Variants in DPP10 observed in about 807,000 individuals in gnomAD.
DPP10 encodes dipeptidyl peptidase like 10.
A neutral mutation model predicts 120.9 loss-of-function variants in DPP10; 33 were observed. The observed-to-expected ratio is 0.27, with a 90% CI of 0.21 to 0.37. The LOEUF is 0.37. Among genes scored for constraint, DPP10 ranks in the 10% least tolerant of loss-of-function variants. The pLI is 1.00. For missense variants in DPP10, 816 were observed against 942.8 expected, an observed-to-expected ratio of 0.87 and a Z score of 1.76; for synonymous variants, 337 against 326.1, an observed-to-expected ratio of 1.03 and a Z score of -0.36.
At chr2:114,802,432 T>C (rs899882078) in intron 1 of DPP10, among the ~76,000 whole-genome samples, 2 of 152,242 alleles carry the variant, frequency 1.3e-5, no homozygotes, top group Non-Finnish European at 2.9e-5. Context: ...AATTAGCCTC[T>C]TGTATTAAAA....
chr2:114,594,542 TTATA>T (rs1201662328), intron 1 of DPP10, among the ~76,000 whole-genome samples: 1 of 141,872 alleles, frequency 7.0e-6, no homozygotes, highest in African/African-American at 2.5e-5. Context: ...GAAGTATATA[TTATA>T]TATACATATA....
intron 1 of DPP10, among the ~76,000 whole-genome samples, chr2:115,191,932 G>C (rs187633466): frequency 1.8e-4 from 27 of 152,318 alleles, no homozygotes; most frequent in Admixed American, 3.9e-4. Context: ...AATGTCGGGA[G>C]ATCAGTAGTA....
In DPP10 at chr2:114,874,583, A is replaced by T. The variant is rs541452118; in HGVS notation, c.60+431745A>T. Among the ~76,000 whole-genome samples, 5 of 152,150 alleles carry T rather than the reference A, an allele frequency of 3.3e-5. No homozygotes were observed. The South Asian group carries it at 1.0e-3, about 32-fold the overall frequency. On this transcript the variant is annotated intron_variant, in intron 1 of 25. Transcript: ENST00000410059. Reference sequence around the variant, plus strand: ...AGCTCAGGGCTCCCACTGACTCTACATTATGGTGAGTTATATATTTATTTC... The same window carrying T: ...AGCTCAGGGCTCCCACTGACTCTACTTTATGGTGAGTTATATATTTATTTC...
intron 1 of DPP10, among the ~76,000 whole-genome samples, chr2:115,080,121 G>A (rs779887363): frequency 5.9e-5 from 9 of 152,066 alleles, no homozygotes; most frequent in Admixed American, 2.0e-4. Context: ...GGGTTCAAGC[G>A]ATTCTCCTGC....
chr2:114,727,797 C>A (rs1676481017), intron 1 of DPP10, among the ~76,000 whole-genome samples: 1 of 152,180 alleles, frequency 6.6e-6, no homozygotes, highest in African/African-American at 2.4e-5. Context: ...AGCCTCTGAA[C>A]AGCTTTTTTG....
chr2:114,834,982 A>AAGACATATCTACACACCTATGTATATAT (rs1687576605), intron 1 of DPP10, among the ~76,000 whole-genome samples: 1 of 126,922 alleles, frequency 7.9e-6, no homozygotes. Context: ...TATGTATATA[A>AAGACATATCTACACACCTATGTATATAT]AAGACATATC....
At chr2:115,573,644 G>A (rs1286954015) in intron 5 of DPP10, among the ~76,000 whole-genome samples, 2 of 137,270 alleles carry the variant, frequency 1.5e-5, no homozygotes, top group South Asian at 2.4e-4. Context: ...CTGGAGTGCA[G>A]TAGCGCAATC....
chr2:114,751,513 G>T (rs568675460), intron 1 of DPP10, among the ~76,000 whole-genome samples: 72 of 152,286 alleles, frequency 4.7e-4, no homozygotes, highest in African/African-American at 1.7e-3. Context: ...AAGAAGTTTG[G>T]CCAGAAATTT....
intron 7 of DPP10, among the ~76,000 whole-genome samples, chr2:115,692,728 A>C (rs1235100583): frequency 6.6e-6 from 1 of 152,072 alleles, no homozygotes; most frequent in Non-Finnish European, 1.5e-5. Context: ...TCTCATCTAT[A>C]AATAGAAATA....
intron 2 of DPP10, among the ~76,000 whole-genome samples, chr2:115,323,347 G>A (rs535074273): frequency 2.0e-5 from 3 of 152,244 alleles, no homozygotes; most frequent in Non-Finnish European, 4.4e-5. Flanking sequence ...TCATCTTCAT[G>A]TTCCACTTTT....
At chr2:115,559,627 A>G (rs992560036) in intron 5 of DPP10, among the ~76,000 whole-genome samples, 5 of 152,114 alleles carry the variant, frequency 3.3e-5, no homozygotes, top group African/African-American at 1.2e-4. Flanking sequence ...TAATAATCAA[A>G]GTTATTAGTT....
At chr2:115,463,802 G>C (rs969137888) in intron 3 of DPP10, among the ~76,000 whole-genome samples, 1 of 152,160 alleles carries the variant, frequency 6.6e-6, no homozygotes, top group African/African-American at 2.4e-5. Context: ...TGGCATCTGA[G>C]GGAAGGGTTG....
chr2:114,974,752 T>G (rs929068686), intron 1 of DPP10, among the ~76,000 whole-genome samples: 2 of 152,008 alleles, frequency 1.3e-5, no homozygotes, highest in African/African-American at 4.8e-5. Flanking sequence ...TCTATACACC[T>G]TCAAGGTTTG....
chr2:114,855,221 C>T (rs1287259456), intron 1 of DPP10, among the ~76,000 whole-genome samples: 1 of 152,116 alleles, frequency 6.6e-6, no homozygotes, highest in Non-Finnish European at 1.5e-5. Context: ...AATTGTAGAA[C>T]TTTATTGAGA....
At chr2:115,082,078 T>C (rs1472182194) in intron 1 of DPP10, among the ~76,000 whole-genome samples, 1 of 152,228 alleles carries the variant, frequency 6.6e-6, no homozygotes, top group African/African-American at 2.4e-5. Context: ...AGAAATTATT[T>C]TGTAATATTT....
At position 114,892,713 on chromosome 2, in the gene DPP10, AAAG is replaced by A. The variant is rs68118910; in HGVS notation, c.61-416522_61-416520del. 9.0e-3 allele frequency among the ~76,000 whole-genome samples: 1,376 copies of A among 152,278 alleles called. 18 individuals are homozygous for A. The highest frequency in any genetic ancestry group is 0.031 in the African/African-American group (1,308 of 41,546). ...GATAAGCCCTGTACATTGCCTGTGA[AAAG>A]AAGTTCTATCAGCTTTCCTTCTCTT... is the stretch of plus-strand genomic sequence containing the variant. On this transcript the variant is annotated intron_variant, in intron 1 of 25. Transcript: ENST00000410059.
rs564561876 is a variant in DPP10, at chr2:115,494,133, C to T, written c.272-5377C>T. ...CTAATTTTTTTATGTTTAGTAGAGA[C>T]GGGGTTTCACCATGTTGGTCAGGCT... On this transcript the variant is annotated intron_variant, in intron 3 of 25. Coordinates refer to ENST00000410059, the MANE Select transcript of DPP10 (RefSeq NM_020868.6). Among the ~76,000 whole-genome samples the T allele has an allele frequency of 8.3e-4, 126 of 151,948 alleles. 1 individual carries two copies. Among genetic ancestry groups the T allele is most frequent in the African/African-American group, 2.7e-3 (113 of 41,446 alleles).
chr2:115,097,774 T>TA (rs1347952613), intron 1 of DPP10, among the ~76,000 whole-genome samples: 5 of 152,194 alleles, frequency 3.3e-5, no homozygotes, highest in Non-Finnish European at 7.3e-5. Context: ...TTCTGCCACC[T>TA]AGAACAGTTT....
At chr2:114,758,311 G>T (rs1679973943) in intron 1 of DPP10, among the ~76,000 whole-genome samples, 1 of 152,218 alleles carries the variant, frequency 6.6e-6, no homozygotes, top group African/African-American at 2.4e-5. Flanking sequence ...CCACACTTCT[G>T]TAGGCACCAT....
Sources: gnomAD v4.1 joint callset for allele counts (sites outside exome capture counted in the v4.1 genomes callset) on GRCh38, gnomAD v4.1.1 for gene constraint, MANE v1.5 for transcripts, NCBI Gene and HGNC (gene_info 2026-07-23, HGNC 2026-07-21) for gene names.